The following OR11A1 variants were observed in gnomAD, a reference collection of about 807,000 sequenced individuals.
The protein encoded by OR11A1 is olfactory receptor 11A1.
For synonymous variants in OR11A1, 158 were observed against 152.2 expected (o/e 1.04, Z -0.28); for missense variants, 380 against 378.2 (o/e 1.00, Z -0.04).
At chr6:29,445,629 G>A (rs57994627) in intron 1 of OR11A1, among the ~76,000 whole-genome samples, 3 of 151,992 alleles carry the variant, frequency 2.0e-5, no homozygotes, top group East Asian at 1.9e-4. Flanking sequence ...GTCCCCCTGC[G>A]TTTCTGCTCC....
intron 1 of OR11A1, chr6:29,440,854 T>G: frequency 6.2e-7 from 1 of 1,613,828 alleles, no homozygotes; most frequent in Non-Finnish European, 8.5e-7. Flanking sequence ...TATGCTGTGG[T>G]CACCCCCATC....
chr6:29,431,426 G>A lies in OR11A1; in HGVS notation c.-265+438C>T, dbSNP rs1202321457. ...ACTTAAAAGGTTTTAAAAGAAAACAGTATAATTTTAAGTATATCCCAGTTT... is the reference window on the plus strand; with the variant it reads ...ACTTAAAAGGTTTTAAAAGAAAACAATATAATTTTAAGTATATCCCAGTTT... On this transcript the variant is annotated intron_variant, in intron 2 of 4. Coordinates refer to ENST00000377149, the MANE Select transcript of OR11A1 (RefSeq NM_001394828.1). 2.0e-5 allele frequency among the ~76,000 whole-genome samples: 3 copies of A among 152,094 alleles called. No individual in the cohort carries two copies. In the East Asian group the frequency reaches 5.8e-4, roughly 29 times the overall value.
chr6:29,446,956 A>G (rs73399002), intron 1 of OR11A1, among the ~76,000 whole-genome samples: 7,962 of 152,306 alleles, frequency 0.052, 392 homozygotes, highest in African/African-American at 0.12. Context: ...AGCAGCGGAA[A>G]TAACACAGTT....
intron 1 of OR11A1, among the ~76,000 whole-genome samples, chr6:29,447,263 C>A (rs1412159367): frequency 1.3e-5 from 2 of 152,174 alleles, no homozygotes; most frequent in Non-Finnish European, 2.9e-5. Context: ...CTGCCCTAGG[C>A]AATCATGATG....
intron 1 of OR11A1, among the ~76,000 whole-genome samples, chr6:29,446,079 G>A (rs1035928695): frequency 1.3e-5 from 2 of 152,144 alleles, no homozygotes; most frequent in Non-Finnish European, 2.9e-5. Flanking sequence ...CAAACTTCAA[G>A]CTTCAAAGAT....
chr6:29,428,689 G>A (rs1783037827), intron 4 of OR11A1, among the ~76,000 whole-genome samples: 1 of 149,850 alleles, frequency 6.7e-6, no homozygotes, highest in Non-Finnish European at 1.5e-5. Context: ...CTCAGGAGGC[G>A]GAGCTTGCAG....
chr6:29,428,378 G>T (rs942198592), intron 4 of OR11A1: 4 of 985,480 alleles, frequency 4.1e-6, no homozygotes, highest in African/African-American at 1.7e-5. Flanking sequence ...GCCTGGGGTT[G>T]TGGGGCAGAA....
chr6:29,444,914 C>T (rs1014767023), intron 1 of OR11A1, among the ~76,000 whole-genome samples: 1 of 152,196 alleles, frequency 6.6e-6, no homozygotes, highest in African/African-American at 2.4e-5. Context: ...TTCTCCCTGA[C>T]ACTCCCTTCC....
rs149771996 is a variant in OR11A1, at chr6:29,433,974, G to C, written c.-388-1987C>G. 8.0e-3 allele frequency among the ~76,000 whole-genome samples: 1,216 copies of C among 152,156 alleles called. 14 individuals are homozygous for C. Among genetic ancestry groups the C allele is most frequent in the East Asian group, 0.025 (131 of 5,180 alleles). ...GTTTGTCATTTGTACGTCTTCTTTT[G>C]AGAAATGTCTATTCAGGTGCTTAGC... On this transcript the variant is annotated intron_variant, in intron 1 of 4. Coordinates refer to ENST00000377149, the MANE Select transcript of OR11A1 (RefSeq NM_001394828.1).
chr6:29,445,809 C>T (rs542966649), intron 1 of OR11A1, among the ~76,000 whole-genome samples: 3 of 152,296 alleles, frequency 2.0e-5, no homozygotes, highest in Non-Finnish European at 4.4e-5. Context: ...TGTCCATTGC[C>T]AGCCTCTCTG....
intron 1 of OR11A1, chr6:29,440,262 C>T: frequency 6.2e-7 from 1 of 1,614,042 alleles, no homozygotes; most frequent in Non-Finnish European, 8.5e-7. Context: ...GCTACTTCAC[C>T]ACCTCCTTAC....
chr6:29,455,024 G>A (rs1472905579), intron 1 of OR11A1, among the ~76,000 whole-genome samples: 1 of 151,396 alleles, frequency 6.6e-6, no homozygotes, highest in Admixed American at 6.6e-5. Context: ...AATTAACATG[G>A]GTCATATAAA....
intron 1 of OR11A1, chr6:29,440,297 T>C: frequency 6.2e-7 from 1 of 1,614,096 alleles, no homozygotes; most frequent in Non-Finnish European, 8.5e-7. Context: ...TCTCTCGCTC[T>C]GGATGTGCTC....
rs558650459 is a variant in OR11A1, at chr6:29,447,271, A to C, written c.-389+9716T>G. Among the ~76,000 whole-genome samples the C allele has an allele frequency of 5.3e-5, 8 of 152,302 alleles. No individual in the cohort carries two copies. In the East Asian group the frequency reaches 1.5e-3, roughly 29 times the overall value. ...AAAAATACTGCCCTAGGCAATCATG[A>C]TGCCTCTTATTTACTGCCTTTCAAA... On this transcript the variant is annotated intron_variant, in intron 1 of 4. Transcript: ENST00000377149.
intron 3 of OR11A1, 94 bp downstream of exon 3, chr6:29,430,207 T>C (rs1783141681): frequency 1.2e-6 from 1 of 817,656 alleles, no homozygotes; most frequent in Non-Finnish European, 1.5e-6. Context: ...CCCATATGAA[T>C]TGATCAGAGA....
Position 29,445,273 on chromosome 6 carries a change from G to T in OR11A1, c.-389+11714C>A, listed in dbSNP as rs137917090. Among the ~76,000 whole-genome samples the T allele has an allele frequency of 4.2e-3, 635 of 152,306 alleles. 5 individuals are homozygous for T. Among genetic ancestry groups the T allele is most frequent in the African/African-American group, 0.01 (425 of 41,554 alleles). ...ACCTGCCTTGGCCTCCCAAAGAGCT[G>T]GGATTACAGGCGTGAGCCACTGTGC... On this transcript the variant is annotated intron_variant, in intron 1 of 4. Coordinates refer to ENST00000377149, the MANE Select transcript of OR11A1 (RefSeq NM_001394828.1).
At chr6:29,440,883 AG>A (rs772267720) in intron 1 of OR11A1, 2 of 1,613,850 alleles carry the variant, frequency 1.2e-6, no homozygotes, top group East Asian at 4.5e-5. Context: ...CATCATCTAC[AG>A]CCTGCGGAAC....
chr6:29,426,682 C>G lies in OR11A1; in HGVS notation c.*12G>C, dbSNP rs1293154776. On this transcript the variant is annotated 3_prime_UTR_variant, in exon 5 of 5. Transcript: ENST00000377149. The stretch of plus-strand genomic sequence containing the variant: ...TGTCCGAAGTCCAAAATAACATCTT[C>G]ATTACTCTCCTTCAATCAAGTGTTT... The G allele has an allele frequency of 6.3e-7, 1 of 1,595,296 alleles. No individual in the cohort carries two copies. The highest frequency in any genetic ancestry group is 8.5e-7 in the Non-Finnish European group (1 of 1,170,436).
At chr6:29,455,790 C>T (rs1046315894) in intron 1 of OR11A1, among the ~76,000 whole-genome samples, 11 of 146,138 alleles carry the variant, frequency 7.5e-5, no homozygotes, top group Non-Finnish European at 1.6e-4. Context: ...GCAGGAGTAT[C>T]GCTTGAACCC....
Sources: gnomAD v4.1 joint callset for allele counts (sites outside exome capture counted in the v4.1 genomes callset) on GRCh38, gnomAD v4.1.1 for gene constraint, MANE v1.5 for transcripts, NCBI Gene and HGNC (gene_info 2026-07-23, HGNC 2026-07-21) for gene names.